ROBO2: variants seen among roughly 807,000 people sequenced by gnomAD.
ROBO2 encodes the protein roundabout homolog 2.
ROBO2 carries 53 observed loss-of-function variants against 160.8 expected under a neutral mutation model. That is an observed-to-expected ratio of 0.33 (90% CI 0.26 to 0.41). The LOEUF (loss-of-function observed/expected upper bound fraction) is 0.41, where lower values mean the gene tolerates loss of function less well. Ranked by LOEUF, ROBO2 falls within the 10% of genes least tolerant of loss-of-function variation. The pLI is 1.00. For missense variants in ROBO2, 1,577 were observed against 1,722.4 expected (o/e 0.92, Z 1.49); for synonymous variants, 664 against 611.7 (o/e 1.09, Z -1.26).
chr3:76,360,272 C>T (rs1316557323), intron 2 of ROBO2, among the ~76,000 whole-genome samples: 1 of 151,962 alleles, frequency 6.6e-6, no homozygotes, highest in Non-Finnish European at 1.5e-5. Context: ...GTAAAGAAAA[C>T]AATAAGTTTC....
intron 2 of ROBO2, among the ~76,000 whole-genome samples, chr3:76,537,375 G>A (rs908923208): frequency 6.6e-6 from 1 of 152,128 alleles, no homozygotes; most frequent in Non-Finnish European, 1.5e-5. Context: ...TTGTATTGGG[G>A]CCGAAGGTAT....
At chr3:76,687,549 C>G (rs2092712016) in intron 2 of ROBO2, among the ~76,000 whole-genome samples, 1 of 151,822 alleles carries the variant, frequency 6.6e-6, no homozygotes, top group African/African-American at 2.4e-5. Flanking sequence ...GAGAAAGAAA[C>G]GGGCTCAGGA....
At chr3:76,537,358 G>A (rs995154658) in intron 2 of ROBO2, among the ~76,000 whole-genome samples, 1 of 152,082 alleles carries the variant, frequency 6.6e-6, no homozygotes, top group African/African-American at 2.4e-5. Flanking sequence ...TGCAACCATT[G>A]TCAAGTTTGT....
intron 2 of ROBO2, among the ~76,000 whole-genome samples, chr3:76,567,641 A>G (rs887669668): frequency 1.1e-5 from 1 of 93,840 alleles, no homozygotes; most frequent in African/African-American, 3.9e-5. Context: ...ATATATATAT[A>G]TATATATATA....
intron 2 of ROBO2, among the ~76,000 whole-genome samples, chr3:77,342,455 A>G (rs2067169910): frequency 6.6e-6 from 1 of 152,168 alleles, no homozygotes; most frequent in African/African-American, 2.4e-5. Context: ...AAAATAATTC[A>G]TAATTGTTGT....
chr3:76,063,529 A>G (rs1037365176), intron 2 of ROBO2, among the ~76,000 whole-genome samples: 3 of 150,290 alleles, frequency 2.0e-5, no homozygotes, highest in Admixed American at 1.3e-4. Flanking sequence ...TTTTTTTTGT[A>G]GAGATGAGAC....
intron 2 of ROBO2, among the ~76,000 whole-genome samples, chr3:77,221,268 T>C (rs1240488046): frequency 6.6e-6 from 1 of 152,202 alleles, no homozygotes; most frequent in Non-Finnish European, 1.5e-5. Context: ...CATTTCATCA[T>C]TCAGACCAAG....
intron 2 of ROBO2, among the ~76,000 whole-genome samples, chr3:76,647,648 T>A (rs533846013): frequency 6.6e-6 from 1 of 152,320 alleles, no homozygotes; most frequent in East Asian, 1.9e-4. Flanking sequence ...ACTTAATGGC[T>A]GTAATTTTTT....
chr3:76,983,452 T>G (rs2060205503), intron 2 of ROBO2, among the ~76,000 whole-genome samples: 1 of 152,158 alleles, frequency 6.6e-6, no homozygotes, highest in Admixed American at 6.5e-5. Flanking sequence ...AATAAAGGAA[T>G]AAAGTGAACG....
chr3:77,477,656 A>C, intron 3 of ROBO2, 85 bp downstream of exon 3: 1 of 1,270,290 alleles, frequency 7.9e-7, no homozygotes, highest in Non-Finnish European at 1.1e-6. Flanking sequence ...CTTTAACATT[A>C]TTAATACAAT....
At chr3:76,176,592 G>A (rs1179633011) in intron 2 of ROBO2, among the ~76,000 whole-genome samples, 4 of 152,064 alleles carry the variant, frequency 2.6e-5, no homozygotes, top group Admixed American at 1.3e-4. Context: ...TTTCTCTAAG[G>A]TCTAAACAAT....
At chr3:76,134,433 T>C (rs2071350500) in intron 2 of ROBO2, among the ~76,000 whole-genome samples, 1 of 152,112 alleles carries the variant, frequency 6.6e-6, no homozygotes. Context: ...GATTATGTTA[T>C]GTTCTATGGC....
At chr3:77,642,885 C>A in intron 24 of ROBO2, 1 of 456,656 alleles carries the variant, frequency 2.2e-6, no homozygotes, top group South Asian at 1.5e-5. Flanking sequence ...AATGGATAAG[C>A]TCCACAGAAC....
rs2093337101 is a variant in ROBO2, at chr3:77,562,025, C to A, written c.1438-626C>A. On this transcript the variant is annotated intron_variant, in intron 9 of 25. Transcript: ENST00000461745. ...GTCTGAGGCAGGAGAATTGCTTGAA[C>A]CTAGGAGGCAGAGGTTGCAGTGAGC... 3.9e-5 allele frequency among the ~76,000 whole-genome samples: 6 copies of A among 152,068 alleles called. No individual in the cohort carries two copies. In the South Asian group the frequency reaches 1.0e-3, roughly 26 times the overall value.
At chr3:77,588,881 C>T (rs764406139) in exon 17 of ROBO2, 3 of 1,613,378 alleles carry the variant, frequency 1.9e-6, no homozygotes, top group Middle Eastern at 1.7e-4. Context: ...TGGGTTTTAG[C>T]ATATGGTTGT....
At chr3:77,581,743 G>GT (rs2093924178) in intron 16 of ROBO2, among the ~76,000 whole-genome samples, 2 of 152,070 alleles carry the variant, frequency 1.3e-5, no homozygotes, top group Admixed American at 6.5e-5. Flanking sequence ...GCATTTCTCT[G>GT]TTTTTTCAGT....
chr3:77,383,033 C>T (rs2073711716), intron 2 of ROBO2, among the ~76,000 whole-genome samples: 1 of 152,104 alleles, frequency 6.6e-6, no homozygotes. Flanking sequence ...CTGCAAGTTT[C>T]TTGCTGCTAG....
At chr3:77,543,373 A>G (rs2092564377) in intron 6 of ROBO2, among the ~76,000 whole-genome samples, 1 of 152,196 alleles carries the variant, frequency 6.6e-6, no homozygotes. Flanking sequence ...TTTTTCGTCA[A>G]TCAGTACATT....
chr3:77,155,960 C>T (rs1483043846), intron 2 of ROBO2, among the ~76,000 whole-genome samples: 1 of 151,956 alleles, frequency 6.6e-6, no homozygotes, highest in Non-Finnish European at 1.5e-5. Context: ...GCCTTCTCCT[C>T]TTCTTGCTCA....
Sources: allele counts gnomAD v4.1 joint callset (sites outside exome capture counted in the v4.1 genomes callset), GRCh38; gene constraint gnomAD v4.1.1; transcripts MANE v1.5; gene names NCBI Gene and HGNC (gene_info 2026-07-23, HGNC 2026-07-21).